Variants in TAF5L observed in about 807,000 individuals in gnomAD.
The protein encoded by TAF5L is TATA-box binding protein associated factor 5 like.
TAF5L carries 7 observed loss-of-function variants against 51.3 expected under a neutral mutation model. The ratio of observed to expected loss-of-function variants is 0.14; its 90% CI spans 0.08 to 0.26. The LOEUF is 0.26. Ranked by LOEUF, TAF5L falls within the 10% of genes least tolerant of loss-of-function variation. TAF5L has a pLI of 1.00. For synonymous variants in TAF5L, 291 were observed against 308.1 expected (o/e 0.94, Z 0.58); for missense variants, 575 against 758.9 (o/e 0.76, Z 2.85).
chr1:229,610,030 A>G, intron 3 of TAF5L, 76 bp downstream of exon 3: 1 of 1,259,434 alleles, frequency 7.9e-7, no homozygotes, highest in Non-Finnish European at 1.1e-6. Flanking sequence ...GGGCTAACTC[A>G]CAAGCAGTGT....
At chr1:229,606,270 C>T (rs1664592667) in intron 3 of TAF5L, 1 of 868,020 alleles carries the variant, frequency 1.2e-6, no homozygotes, top group African/African-American at 1.8e-5. Context: ...TTAAATTATT[C>T]CCTTGCAATC....
intron 2 of TAF5L, among the ~76,000 whole-genome samples, chr1:229,611,052 TCCAGGGTGA>T: frequency 2.1e-5 from 3 of 143,936 alleles, no homozygotes; most frequent in South Asian, 4.2e-4. Flanking sequence ...AGGCTCATCC[TCCAGGGTGA>T]CCAGGGTGAG....
At chr1:229,600,541 T>C in intron 4 of TAF5L, 1 of 985,510 alleles carries the variant, frequency 1.0e-6, no homozygotes, top group Non-Finnish European at 1.2e-6. Context: ...CGAGCTCTTC[T>C]CTAGTCCATC....
intron 2 of TAF5L, among the ~76,000 whole-genome samples, chr1:229,612,428 T>G (rs879467952): frequency 2.0e-5 from 3 of 146,576 alleles, no homozygotes; most frequent in Non-Finnish European, 1.5e-5. Flanking sequence ...TAGGATGGCA[T>G]GTTCAGAAGG....
chr1:229,599,814 G>A (rs1664297011), intron 4 of TAF5L: 14 of 985,114 alleles, frequency 1.4e-5, no homozygotes, highest in Non-Finnish European at 1.7e-5. Context: ...GAATTGCTGG[G>A]TGTGAACACC....
intron 4 of TAF5L, chr1:229,600,604 T>C (rs1246055053): frequency 2.0e-6 from 2 of 985,466 alleles, no homozygotes; most frequent in African/African-American, 1.7e-5. Context: ...TAATTGCTCA[T>C]ATAAGACAGT....
Position 229,602,568 on chromosome 1 carries a change from T to A in TAF5L, c.599A>T (p.Gln200Leu). ...CTGATAGTCTGTTCTCTTGGCAGGCTGCACGTCAAGATGAATATGTAAGGT... is the reference window on the plus strand; with the variant it reads ...CTGATAGTCTGTTCTCTTGGCAGGCAGCACGTCAAGATGAATATGTAAGGT... Residue 200 changes from glutamine (Q) to leucine (L), a missense_variant, in exon 4 of 5, where the codon CAG becomes CTG. Physicochemically the swap from Gln to Leu is moderately radical, Grantham distance 113 (BLOSUM62 -2). Around this residue, in one of 3 missense-constraint regions of TAF5L, gnomAD observed 380 missense variants for 443.7 expected, o/e 0.86. Transcript: ENST00000258281. This position sits in a 1 kb window ranked among gnomAD's most constrained non-coding sequence, Gnocchi z 4.6. 1 of 1,614,240 alleles carries A rather than the reference T, an allele frequency of 6.2e-7. No homozygotes were observed. Among genetic ancestry groups the A allele is most frequent in the Non-Finnish European group, 8.5e-7 (1 of 1,180,046 alleles).
Position 229,600,482 on chromosome 1 carries a change from G to A in TAF5L, c.972+1713C>T, listed in dbSNP as rs939132132. On this transcript the variant is annotated intron_variant, in intron 4 of 4. Coordinates refer to ENST00000258281, the Ensembl canonical transcript of TAF5L. ...AACTGTTTAAGCCTGAAACACAAAC[G>A]TCACCCTTGATGCTTGCTCTCCCTT... 10 of 985,172 alleles carry A rather than the reference G, an allele frequency of 1.0e-5. No individual in the cohort carries two copies. In the East Asian group the frequency reaches 5.7e-4, roughly 56 times the overall value. The allele number at this position is 985,172 out of a possible 1,614,324, so 61.0% of individuals were successfully genotyped here.
exon 5 of TAF5L, chr1:229,593,779 A>G (rs1444173435): frequency 6.6e-6 from 1 of 151,920 alleles, no homozygotes; most frequent in Non-Finnish European, 1.5e-5. Flanking sequence ...CAATAATTAA[A>G]AAAAATCCTG....
chr1:229,623,816 G>T (rs1238667772), intron 1 of TAF5L, among the ~76,000 whole-genome samples: 1 of 152,198 alleles, frequency 6.6e-6, no homozygotes, highest in East Asian at 1.9e-4. Flanking sequence ...ACAGTGCCAG[G>T]ATGGGAACTC....
At chr1:229,603,545 CTG>C (rs369081835) in intron 3 of TAF5L, among the ~76,000 whole-genome samples, 87 of 152,306 alleles carry the variant, frequency 5.7e-4, no homozygotes, top group African/African-American at 2.0e-3. Flanking sequence ...CTGGCGTGTC[CTG>C]TGTTAACATG....
At chr1:229,605,108 G>GTATGTGTATATATATA (rs1553270421) in intron 3 of TAF5L, among the ~76,000 whole-genome samples, 8 of 118,650 alleles carry the variant, frequency 6.7e-5, no homozygotes, top group African/African-American at 2.3e-4. Flanking sequence ...ATTTTTGTAT[G>GTATGTGTATATATATA]TATATATATA....
chr1:229,605,690 G>C (rs1571840077), intron 3 of TAF5L, among the ~76,000 whole-genome samples: 1 of 152,174 alleles, frequency 6.6e-6, no homozygotes, highest in Middle Eastern at 3.4e-3. Flanking sequence ...TAAAGTGTGG[G>C]CCTCATCCAA....
chr1:229,609,444 C>A (rs1664712548), intron 3 of TAF5L, among the ~76,000 whole-genome samples: 1 of 152,080 alleles, frequency 6.6e-6, no homozygotes, highest in Admixed American at 6.5e-5. Flanking sequence ...AGTGAGTTAT[C>A]CTGGTGTAAA....
At chr1:229,614,630 AG>A in intron 1 of TAF5L, 145 bp from the exon 2 acceptor site, 1 of 965,148 alleles carries the variant, frequency 1.0e-6, no homozygotes, top group Non-Finnish European at 1.5e-6. Context: ...CGCAAATCTA[AG>A]TTCCCTAATA....
intron 4 of TAF5L, among the ~76,000 whole-genome samples, chr1:229,597,273 G>A (rs1161838536): frequency 3.9e-5 from 6 of 152,226 alleles, no homozygotes; most frequent in Non-Finnish European, 5.9e-5. Context: ...GGAACAAGAA[G>A]CTATGGAAGT....
At position 229,602,916 on chromosome 1, in the gene TAF5L, G is replaced by C; in HGVS notation, c.251C>G (p.Ser84Cys). The change falls in exon 4 of 5, where the codon TCT (serine) becomes TGT (cysteine). Residue 84 changes from serine to cysteine, a missense_variant. Around this residue, in one of 3 missense-constraint regions of TAF5L, gnomAD observed 380 missense variants for 443.7 expected, o/e 0.86. Transcript: ENST00000258281. This position sits in a 1 kb window ranked among gnomAD's most constrained non-coding sequence, Gnocchi z 4.6. Reference sequence around the variant, plus strand: ...CACTTCGTGGCTATGCTGGGAATCAGAATCTATAATGAAAGAAAAAGAAGG... The same window carrying C: ...CACTTCGTGGCTATGCTGGGAATCACAATCTATAATGAAAGAAAAAGAAGG... 6.3e-7 allele frequency: 1 copy of C among 1,589,080 alleles called. No homozygotes were observed. The highest frequency in any genetic ancestry group is 8.5e-7 in the Non-Finnish European group (1 of 1,174,104).
chr1:229,610,836 C>A (rs1664760993), intron 2 of TAF5L, among the ~76,000 whole-genome samples: 1 of 152,080 alleles, frequency 6.6e-6, no homozygotes, highest in East Asian at 1.9e-4. Flanking sequence ...TTATTTTTTA[C>A]TATCATGTAT....
chr1:229,610,029 C>G, intron 3 of TAF5L, 77 bp downstream of exon 3: 1 of 1,251,298 alleles, frequency 8.0e-7, no homozygotes, highest in Non-Finnish European at 1.2e-6. Flanking sequence ...AGGGCTAACT[C>G]ACAAGCAGTG....
Sources: allele counts gnomAD v4.1 joint callset (sites outside exome capture counted in the v4.1 genomes callset), GRCh38; gene constraint gnomAD v4.1.1; regional missense constraint gnomAD v4.1.1; non-coding constraint Gnocchi (gnomAD v3.1); transcripts MANE v1.5; gene names NCBI Gene and HGNC (gene_info 2026-07-23, HGNC 2026-07-21).